Variants in CSMD3 observed in about 807,000 individuals in gnomAD.
CSMD3 encodes CUB and sushi domain-containing protein 3.
Under a neutral mutation model 435.2 loss-of-function variants are expected in CSMD3, and 177 were observed. The ratio of observed to expected loss-of-function variants is 0.41; its 90% CI spans 0.36 to 0.46. The LOEUF (loss-of-function observed/expected upper bound fraction) is 0.46, where lower values mean the gene tolerates loss of function less well. Among genes scored for constraint, CSMD3 ranks in the 20% least tolerant of loss-of-function variants. The pLI is 0.34. For synonymous variants in CSMD3, 1,656 were observed against 1,520.5 expected (o/e 1.09, Z -2.07); for missense variants, 4,265 against 4,504.6 (o/e 0.95, Z 1.52).
chr8:113,396,589 TTACA>T (rs1457367601), intron 1 of CSMD3, among the ~76,000 whole-genome samples: 1 of 152,160 alleles, frequency 6.6e-6, no homozygotes, highest in Non-Finnish European at 1.5e-5. Context: ...TGTCTTTTTT[TTACA>T]TAGACTGAAA....
Position 113,166,115 on chromosome 8 carries a change from T to C in CSMD3, c.709+7607A>G, listed in dbSNP as rs536648900. Among the ~76,000 whole-genome samples, 4 of 152,278 alleles carry C rather than the reference T, an allele frequency of 2.6e-5. No individual in the cohort carries two copies. In the East Asian group the frequency reaches 7.7e-4, roughly 29 times the overall value. On this transcript the variant is annotated intron_variant, in intron 4 of 70. Transcript: ENST00000297405. The stretch of plus-strand genomic sequence containing the variant: ...CAAATACAAAACTCCCATATTCAAA[T>C]ACAAAACTCAATAGATTGAGTTTCA...
intron 32 of CSMD3, among the ~76,000 whole-genome samples, chr8:112,428,772 C>T (rs938669385): frequency 2.0e-5 from 3 of 152,018 alleles, no homozygotes; most frequent in Non-Finnish European, 2.9e-5. Context: ...TCATCTGTTC[C>T]GTGGATCCTC....
At chr8:113,059,574 T>C (rs2088510241) in intron 5 of CSMD3, among the ~76,000 whole-genome samples, 1 of 152,182 alleles carries the variant, frequency 6.6e-6, no homozygotes, top group African/African-American at 2.4e-5. Flanking sequence ...ATTTAAAACA[T>C]ATTTAAAATT....
intron 10 of CSMD3, among the ~76,000 whole-genome samples, chr8:112,880,788 T>G (rs1389793112): frequency 6.6e-6 from 1 of 151,980 alleles, no homozygotes; most frequent in East Asian, 1.9e-4. Flanking sequence ...GACTTACCTA[T>G]GTCTAGCTTT....
chr8:112,534,239 G>T (rs1053892657), intron 27 of CSMD3, among the ~76,000 whole-genome samples: 2 of 152,122 alleles, frequency 1.3e-5, no homozygotes, highest in Non-Finnish European at 1.5e-5. Flanking sequence ...CCAGGAGCTG[G>T]TTTTTTGAAA....
chr8:113,283,957 G>A (rs965342628), intron 2 of CSMD3, among the ~76,000 whole-genome samples: 4 of 152,112 alleles, frequency 2.6e-5, no homozygotes, highest in African/African-American at 7.2e-5. Context: ...TGAGACTGGA[G>A]ACTATTATTC....
chr8:112,550,839 G>A lies in CSMD3; in HGVS notation c.4396C>T (p.His1466Tyr), dbSNP rs1355850071. ...CCGTCCCAGACTCGGAGTATATCATGTGATGCTTCCGTATCAAAAGCAAGA... is the reference window on the plus strand; with the variant it reads ...CCGTCCCAGACTCGGAGTATATCATATGATGCTTCCGTATCAAAAGCAAGA... The part of the protein sequence containing the change: ...QFLAFDTEAS[H>Y]DILRVWDGPP... The change falls in exon 27 of 71, where the codon CAT (histidine) becomes TAT (tyrosine). Residue 1466 changes from histidine (H) to tyrosine (Y), a missense_variant. This residue lies in a region of CSMD3 where 3,255 missense variants were observed against 3,380.2 expected (regional missense o/e 0.96). Coordinates refer to ENST00000297405, the MANE Select transcript of CSMD3 (RefSeq NM_198123.2). The A allele has an allele frequency of 5.6e-6, 9 of 1,612,200 alleles. No individual in the cohort carries two copies. The highest frequency in any genetic ancestry group is 7.6e-6 in the Non-Finnish European group (9 of 1,178,622).
intron 3 of CSMD3, among the ~76,000 whole-genome samples, chr8:113,190,682 C>G (rs148396302): frequency 1.4e-5 from 2 of 139,768 alleles, no homozygotes; most frequent in East Asian, 4.1e-4. Context: ...AAGATTTACT[C>G]TGGTTTTTTT....
At chr8:112,841,137 A>G (rs1481752460) in intron 11 of CSMD3, among the ~76,000 whole-genome samples, 1 of 151,656 alleles carries the variant, frequency 6.6e-6, no homozygotes, top group African/African-American at 2.4e-5. Context: ...ATCTGAATGA[A>G]AAGAGGAACT....
At chr8:112,270,952 A>T (rs1316219535) in intron 59 of CSMD3, among the ~76,000 whole-genome samples, 1 of 152,120 alleles carries the variant, frequency 6.6e-6, no homozygotes, top group Non-Finnish European at 1.5e-5. Context: ...GGGTATTATT[A>T]ATTTTCTCAA....
At chr8:112,598,562 G>T (rs376435881) in intron 22 of CSMD3, among the ~76,000 whole-genome samples, 2 of 149,976 alleles carry the variant, frequency 1.3e-5, no homozygotes, top group Non-Finnish European at 3.0e-5. Flanking sequence ...CATCGCCAAG[G>T]CAATCCTAAG....
chr8:112,550,919 A>C (rs764980809), intron 26 of CSMD3, 46 bp from the exon 27 acceptor site: 1 of 1,400,218 alleles, frequency 7.1e-7, no homozygotes, highest in Non-Finnish European at 1.0e-6. Flanking sequence ...CAAGGATTCA[A>C]CTTTAAAGAA....
At chr8:112,342,209 G>A (rs1825190836) in intron 41 of CSMD3, among the ~76,000 whole-genome samples, 1 of 151,944 alleles carries the variant, frequency 6.6e-6, no homozygotes, top group African/African-American at 2.4e-5. Flanking sequence ...TCAGTGTTTT[G>A]CTTATCAGAA....
intron 5 of CSMD3, among the ~76,000 whole-genome samples, chr8:113,042,603 T>A (rs949577301): frequency 2.6e-5 from 4 of 152,316 alleles, no homozygotes; most frequent in Admixed American, 2.6e-4. Context: ...ACATAATTCT[T>A]CTGGATTCCC....
intron 10 of CSMD3, among the ~76,000 whole-genome samples, chr8:112,905,306 GTA>G (rs543479550): frequency 5.4e-5 from 7 of 129,820 alleles, no homozygotes; most frequent in South Asian, 2.5e-4. Flanking sequence ...TATACTATGT[GTA>G]TATATATATA....
intron 17 of CSMD3, among the ~76,000 whole-genome samples, chr8:112,665,871 T>A (rs1368371677): frequency 6.6e-6 from 1 of 152,106 alleles, no homozygotes; most frequent in Non-Finnish European, 1.5e-5. Context: ...GGTGAAAGCA[T>A]ATGGATAGTG....
rs1056779424 is a variant in CSMD3 at position 112,970,247 on chromosome 8, T to G, written c.1342+5590A>C. Among the ~76,000 whole-genome samples the G allele has an allele frequency of 2.0e-5, 3 of 151,850 alleles. No homozygotes were observed. The East Asian group carries it at 5.8e-4, about 29-fold the overall frequency. On this transcript the variant is annotated intron_variant, in intron 7 of 70. Transcript: ENST00000297405. ...TAGGTAAATTCCTAAGGCTGTAATA[T>G]TGAGCTTTAGGGTTTAGGGATTATT...
rs2130993931 is a variant in CSMD3 at position 112,341,680 on chromosome 8, T to C, written c.6449A>G (p.His2150Arg). ...TGTAGAAAAATTTACAAACTGGAGA[T>C]GTACACCTGAAGAAGAAAACAAACA... ...TINLPIGFGV[H>R]LQFVNFSTET... Residue 2150 changes from histidine to arginine, a missense_variant, in exon 42 of 71, where the codon CAT becomes CGT. Physicochemically the swap from His to Arg is conservative, Grantham distance 29. This residue lies in a region of CSMD3 where 3,255 missense variants were observed against 3,380.2 expected (regional missense o/e 0.96). Coordinates refer to ENST00000297405, the MANE Select transcript of CSMD3 (RefSeq NM_198123.2). 6.3e-7 allele frequency: 1 copy of C among 1,592,614 alleles called. No homozygotes were observed. Among genetic ancestry groups the C allele is most frequent in the Non-Finnish European group, 8.6e-7 (1 of 1,160,850 alleles).
At chr8:113,409,652 A>T (rs922210661) in intron 1 of CSMD3, among the ~76,000 whole-genome samples, 5 of 152,188 alleles carry the variant, frequency 3.3e-5, no homozygotes, top group Non-Finnish European at 7.3e-5. Context: ...AATGGGAATT[A>T]TTCGGTTGAA....
Sources: gnomAD v4.1 joint callset for allele counts (sites outside exome capture counted in the v4.1 genomes callset) on GRCh38, gnomAD v4.1.1 for gene constraint, gnomAD v4.1.1 regional missense constraint, MANE v1.5 for transcripts, NCBI Gene and HGNC (gene_info 2026-07-23, HGNC 2026-07-21) for gene names.